Variants in SHANK2 observed in about 807,000 individuals in gnomAD.
The protein encoded by SHANK2 is SH3 and multiple ankyrin repeat domains 2.
In SHANK2, 43 loss-of-function variants were observed where a neutral mutation model predicts 133.7. That is an observed-to-expected ratio of 0.32 (90% CI 0.25 to 0.41). The LOEUF is 0.41. SHANK2 is among the 10% of genes least tolerant of loss of function. The pLI is 1.00. For synonymous variants in SHANK2, 1,017 were observed against 952.8 expected (o/e 1.07, Z -1.24); for missense variants, 1,994 against 2,235.8 (o/e 0.89, Z 2.18).
At chr11:71,185,569 C>G (rs573904495) in intron 2 of SHANK2, among the ~76,000 whole-genome samples, 3 of 152,288 alleles carry the variant, frequency 2.0e-5, no homozygotes, top group South Asian at 4.1e-4. Context: ...GTTGGTGCAG[C>G]CTCCAGGTGA....
At chr11:70,729,659 G>A (rs1306684421) in intron 14 of SHANK2, among the ~76,000 whole-genome samples, 1 of 151,530 alleles carries the variant, frequency 6.6e-6, no homozygotes, top group Non-Finnish European at 1.5e-5. Context: ...CGAGTAGCTG[G>A]GACTACAGGT....
chr11:71,085,909 A>G (rs1951394862), intron 8 of SHANK2, among the ~76,000 whole-genome samples: 4 of 378 alleles, frequency 0.011, no homozygotes, highest in Admixed American at 0.1. Flanking sequence ...TTAATTATAT[A>G]TTAATATAAC....
chr11:70,730,452 C>T (rs1319756259), intron 14 of SHANK2, among the ~76,000 whole-genome samples: 1 of 152,148 alleles, frequency 6.6e-6, no homozygotes, highest in Non-Finnish European at 1.5e-5. Flanking sequence ...TGTGCACACC[C>T]CTAACTGGAC....
chr11:70,548,832 A>ATGT (rs2059728486), intron 17 of SHANK2, among the ~76,000 whole-genome samples: 1 of 152,202 alleles, frequency 6.6e-6, no homozygotes, highest in African/African-American at 2.4e-5. Flanking sequence ...TTCTCAAACA[A>ATGT]GAGGACAATG....
intron 11 of SHANK2, among the ~76,000 whole-genome samples, chr11:70,849,501 C>T (rs782302519): frequency 6.6e-5 from 10 of 152,164 alleles, no homozygotes; most frequent in African/African-American, 2.4e-4. Context: ...GAAGTGGGTG[C>T]CTGGGCTCAG....
At chr11:70,896,240 T>C (rs782625716) in intron 11 of SHANK2, 7 of 373,858 alleles carry the variant, frequency 1.9e-5, no homozygotes, top group Non-Finnish European at 3.3e-5. Context: ...ACAGGGACTG[T>C]CAGAATAGAT....
In SHANK2 at chr11:70,874,757, C is replaced by T. The variant is rs71469406; in HGVS notation, c.1174+21744G>A. Among the ~76,000 whole-genome samples the T allele has an allele frequency of 1.3e-3, 204 of 151,778 alleles. 1 individual carries two copies. The highest frequency in any genetic ancestry group is 4.0e-4 in the Non-Finnish European group (27 of 67,996). Reference sequence around the variant, plus strand: ...AAATTTTAAACACAGATGAAAACTCCGAGTGGCTACCTAGAATGACAGCAC... The same window carrying T: ...AAATTTTAAACACAGATGAAAACTCTGAGTGGCTACCTAGAATGACAGCAC... On this transcript the variant is annotated intron_variant, in intron 11 of 25. Transcript: ENST00000601538.
intron 10 of SHANK2, among the ~76,000 whole-genome samples, chr11:70,952,018 C>T (rs1304410284): frequency 6.6e-6 from 1 of 152,260 alleles, no homozygotes; most frequent in Non-Finnish European, 1.5e-5. Context: ...ATCACATTCA[C>T]AGGTTCTAGA....
chr11:71,162,006 A>C (rs1456086379), intron 2 of SHANK2, among the ~76,000 whole-genome samples: 2 of 152,192 alleles, frequency 1.3e-5, no homozygotes, highest in African/African-American at 4.8e-5. Flanking sequence ...CCATTGCAAC[A>C]GCCTCTCCTT....
intron 2 of SHANK2, among the ~76,000 whole-genome samples, chr11:71,203,737 C>G (rs1954067719): frequency 6.6e-6 from 1 of 152,234 alleles, no homozygotes; most frequent in South Asian, 2.1e-4. Context: ...CCTGTGCTAA[C>G]AACACGTGTT....
chr11:70,798,835 C>G (rs1421258211), intron 13 of SHANK2, among the ~76,000 whole-genome samples: 1 of 152,186 alleles, frequency 6.6e-6, no homozygotes, highest in Non-Finnish European at 1.5e-5. Context: ...TCTGACACCA[C>G]GTCATATGAA....
chr11:71,145,099 C>A (rs782105695), intron 3 of SHANK2, among the ~76,000 whole-genome samples: 1 of 152,190 alleles, frequency 6.6e-6, no homozygotes, highest in Admixed American at 6.5e-5. Flanking sequence ...AAGACCACGC[C>A]TATCCTCCTG....
At chr11:70,879,741 T>A (rs1949628399) in intron 11 of SHANK2, among the ~76,000 whole-genome samples, 2 of 152,178 alleles carry the variant, frequency 1.3e-5, no homozygotes, top group Non-Finnish European at 2.9e-5. Context: ...GGAGGATCGA[T>A]GGGCTCTGAC....
At chr11:70,661,418 T>G (rs1176881778) in intron 16 of SHANK2, among the ~76,000 whole-genome samples, 178 bp downstream of exon 16, 1 of 152,116 alleles carries the variant, frequency 6.6e-6, no homozygotes, top group Non-Finnish European at 1.5e-5. Flanking sequence ...GGAACATGGT[T>G]GTCTAGCAAC....
At chr11:70,953,173 G>A (rs1157637298) in intron 10 of SHANK2, among the ~76,000 whole-genome samples, 1 of 152,078 alleles carries the variant, frequency 6.6e-6, no homozygotes, top group Non-Finnish European at 1.5e-5. Flanking sequence ...TGGTGGTGTT[G>A]GGAGCTGGGC....
In SHANK2 at chr11:71,234,860, C is replaced by G. The variant is rs139462035; in HGVS notation, c.-112-10064G>C. Among the ~76,000 whole-genome samples, 146 of 152,250 alleles carry G rather than the reference C, an allele frequency of 9.6e-4. 1 individual carries two copies. Among genetic ancestry groups the G allele is most frequent in the African/African-American group, 3.3e-3 (137 of 41,534 alleles). On this transcript the variant is annotated intron_variant, in intron 1 of 25. Transcript: ENST00000601538. ...AGGGAGGAAATGTCACACCCTCCCC[C>G]TCTAATATTCGAAACATGTATACAA...
Position 70,486,302 on chromosome 11 carries a change from C to T in SHANK2, c.3991G>A (p.Glu1331Lys), listed in dbSNP as rs1555153472. The T allele has an allele frequency of 6.2e-7, 1 of 1,614,062 alleles. No individual in the cohort carries two copies. The highest frequency in any genetic ancestry group is 1.3e-5 in the African/African-American group (1 of 75,064). Reference protein sequence around the residue: ...ATKLDNALQEEDEKAEVEMKP... With the variant: ...ATKLDNALQEKDEKAEVEMKP... ...ATCTCCACCTCTGCCTTCTCGTCCT[C>T]TTCCTGCAGGGCGTTGTCCAGCTTA... The change falls in exon 25 of 26, where the codon GAG becomes AAG. Residue 1331 changes from glutamate (E) to lysine (K), a missense_variant. This residue lies in a region of SHANK2 where 797 missense variants were observed against 907.4 expected (regional missense o/e 0.88). Transcript: ENST00000601538. The surrounding 1 kb of genome is among the most constrained non-coding windows in gnomAD (Gnocchi z 8.0).
At chr11:70,831,250 T>A (rs539000430) in intron 11 of SHANK2, among the ~76,000 whole-genome samples, 1 of 151,956 alleles carries the variant, frequency 6.6e-6, no homozygotes, top group Non-Finnish European at 1.5e-5. Flanking sequence ...CGCCCACCCA[T>A]CTCAAAACGC....
intron 10 of SHANK2, among the ~76,000 whole-genome samples, chr11:70,930,706 C>T (rs1481518579): frequency 1.4e-5 from 2 of 145,132 alleles, no homozygotes; most frequent in East Asian, 2.0e-4. Flanking sequence ...CTCAGTTTCC[C>T]AGGCTGGAGG....
Sources: allele counts gnomAD v4.1 joint callset (sites outside exome capture counted in the v4.1 genomes callset), GRCh38; gene constraint gnomAD v4.1.1; regional missense constraint gnomAD v4.1.1; non-coding constraint Gnocchi (gnomAD v3.1); transcripts MANE v1.5; gene names NCBI Gene and HGNC (gene_info 2026-07-23, HGNC 2026-07-21).